Variants in GRM3 observed in about 807,000 individuals in gnomAD.
The protein encoded by GRM3 is glutamate metabotropic receptor 3, also known as metabotropic glutamate receptor 3.
Under a neutral mutation model 70.5 loss-of-function variants are expected in GRM3, and 26 were observed. That is an observed-to-expected ratio of 0.37 (90% CI 0.27 to 0.51). The LOEUF (loss-of-function observed/expected upper bound fraction) is 0.51, where lower values mean the gene tolerates loss of function less well. GRM3 is among the 20% of genes least tolerant of loss of function. GRM3 has a pLI of 0.93. For synonymous variants in GRM3, 443 were observed against 434.9 expected (o/e 1.02, Z -0.23); for missense variants, 859 against 1,123.8 (o/e 0.76, Z 3.37).
chr7:86,792,332 T>C (rs1797438322), intron 3 of GRM3, among the ~76,000 whole-genome samples: 1 of 152,172 alleles, frequency 6.6e-6, no homozygotes, highest in African/African-American at 2.4e-5. Context: ...TGAACTCAAC[T>C]GTCAGAGTGA....
At chr7:86,693,338 C>T (rs953052449) in intron 1 of GRM3, among the ~76,000 whole-genome samples, 2 of 152,172 alleles carry the variant, frequency 1.3e-5, no homozygotes, top group Non-Finnish European at 2.9e-5. Context: ...CAGTTAGAAG[C>T]CCATGCTCTA....
intron 3 of GRM3, among the ~76,000 whole-genome samples, chr7:86,822,062 T>C (rs926108862): frequency 5.3e-5 from 8 of 152,118 alleles, no homozygotes; most frequent in African/African-American, 1.9e-4. Context: ...ACAACGCTGA[T>C]TGTGCCTATG....
At chr7:86,859,335 A>T (rs2115607927) in intron 5 of GRM3, among the ~76,000 whole-genome samples, 1 of 152,290 alleles carries the variant, frequency 6.6e-6, no homozygotes, top group Admixed American at 6.5e-5. Flanking sequence ...ATACCAAACC[A>T]ATGGGTAGTA....
intron 1 of GRM3, among the ~76,000 whole-genome samples, chr7:86,708,485 G>A (rs937005863): frequency 2.6e-5 from 4 of 152,152 alleles, no homozygotes; most frequent in African/African-American, 9.6e-5. Context: ...GCCCTCCATT[G>A]AGGAGAGACC....
chr7:86,654,031 C>T (rs1184625497), intron 1 of GRM3, among the ~76,000 whole-genome samples: 1 of 152,206 alleles, frequency 6.6e-6, no homozygotes, highest in Non-Finnish European at 1.5e-5. Context: ...CATTTGGCAA[C>T]TTACACATTC....
chr7:86,777,982 A>G (rs1421978713), intron 2 of GRM3, among the ~76,000 whole-genome samples: 2 of 152,180 alleles, frequency 1.3e-5, no homozygotes, highest in Non-Finnish European at 1.5e-5. Flanking sequence ...CAGCAACTCA[A>G]TGGTTCTCTT....
chr7:86,829,437 G>A (rs1212793435), intron 3 of GRM3, among the ~76,000 whole-genome samples: 2 of 152,208 alleles, frequency 1.3e-5, no homozygotes, highest in African/African-American at 4.8e-5. Context: ...ACTGGTGCAA[G>A]AGGGCTAGTT....
chr7:86,644,955 C>T, intron 1 of GRM3, 83 bp downstream of exon 1: 2 of 690,416 alleles, frequency 2.9e-6, no homozygotes, highest in South Asian at 1.6e-5. Flanking sequence ...GGGGCAGGCG[C>T]AGCCGGGAAA....
At chr7:86,798,558 A>C (rs764353527) in intron 3 of GRM3, among the ~76,000 whole-genome samples, 8 of 152,208 alleles carry the variant, frequency 5.3e-5, no homozygotes, top group Non-Finnish European at 1.0e-4. Context: ...ATAGGAAGTA[A>C]CTAATGTGCT....
At chr7:86,754,833 C>A (rs1796307039) in intron 1 of GRM3, among the ~76,000 whole-genome samples, 1 of 152,090 alleles carries the variant, frequency 6.6e-6, no homozygotes, top group Non-Finnish European at 1.5e-5. Context: ...GCACGGGTGT[C>A]ACTATATCCC....
intron 1 of GRM3, among the ~76,000 whole-genome samples, chr7:86,715,721 T>G (rs906520031): frequency 6.6e-6 from 1 of 152,006 alleles, no homozygotes; most frequent in Non-Finnish European, 1.5e-5. Flanking sequence ...CCTTCAGCCA[T>G]GATTCATAAA....
intron 1 of GRM3, among the ~76,000 whole-genome samples, chr7:86,684,343 A>G (rs1414484225): frequency 6.6e-6 from 1 of 152,230 alleles, no homozygotes; most frequent in East Asian, 1.9e-4. Flanking sequence ...TAAATGTGAT[A>G]ATGTTTATAA....
chr7:86,695,884 G>C (rs1383055940), intron 1 of GRM3, among the ~76,000 whole-genome samples: 2 of 152,088 alleles, frequency 1.3e-5, no homozygotes, highest in African/African-American at 4.8e-5. Flanking sequence ...TAACTCCTAA[G>C]AGACAATGAT....
chr7:86,661,197 T>G (rs1793884126), intron 1 of GRM3, among the ~76,000 whole-genome samples: 2 of 152,034 alleles, frequency 1.3e-5, no homozygotes. Context: ...ACTCTTTCTA[T>G]TCTCTTAGTA....
At chr7:86,717,753 A>T (rs1384422478) in intron 1 of GRM3, among the ~76,000 whole-genome samples, 1 of 151,996 alleles carries the variant, frequency 6.6e-6, no homozygotes, top group Admixed American at 6.6e-5. Context: ...CTAAACTCTA[A>T]GTGAAAAGAT....
At chr7:86,773,239 C>T (rs1282023699) in intron 2 of GRM3, among the ~76,000 whole-genome samples, 1 of 151,896 alleles carries the variant, frequency 6.6e-6, no homozygotes, top group African/African-American at 2.4e-5. Flanking sequence ...TTAGTAGTAC[C>T]TCTCTCATTG....
intron 5 of GRM3, among the ~76,000 whole-genome samples, chr7:86,856,444 G>A (rs1176987427): frequency 7.4e-5 from 9 of 120,970 alleles, no homozygotes; most frequent in African/African-American, 2.0e-4. Context: ...AGACTCCATC[G>A]CCCTCTGCAA....
intron 1 of GRM3, among the ~76,000 whole-genome samples, chr7:86,747,996 T>G (rs1309269412): frequency 2.6e-5 from 4 of 152,128 alleles, no homozygotes; most frequent in Admixed American, 2.6e-4. Flanking sequence ...TTGTTCCTCC[T>G]GTCTCCCTGT....
At chr7:86,668,675 C>G (rs935735644) in intron 1 of GRM3, among the ~76,000 whole-genome samples, 2 of 151,960 alleles carry the variant, frequency 1.3e-5, no homozygotes, top group African/African-American at 4.8e-5. Flanking sequence ...AAATATATTC[C>G]GAAAATAGAA....
Sources: allele counts gnomAD v4.1 joint callset (sites outside exome capture counted in the v4.1 genomes callset), GRCh38; gene constraint gnomAD v4.1.1; transcripts MANE v1.5; gene names NCBI Gene and HGNC (gene_info 2026-07-23, HGNC 2026-07-21).